The following IMMP2L variants were observed in gnomAD, a reference collection of about 807,000 sequenced individuals.
IMMP2L encodes the protein mitochondrial inner membrane protease subunit 2.
In IMMP2L, 18 loss-of-function variants were observed where a neutral mutation model predicts 19.3. The observed-to-expected ratio is 0.93, with a 90% CI of 0.64 to 1.38. IMMP2L has a LOEUF of 1.38. IMMP2L is among the 40% of genes most tolerant of loss of function. The pLI is 0.00. For synonymous variants in IMMP2L, 76 were observed against 73.0 expected (o/e 1.04, Z -0.21); for missense variants, 233 against 218.2 (o/e 1.07, Z -0.43).
intron 2 of IMMP2L, among the ~76,000 whole-genome samples, chr7:111,494,010 T>TAGAGAAAAAAA (rs1563265233): frequency 1.3e-5 from 2 of 150,782 alleles, no homozygotes; most frequent in Admixed American, 6.6e-5. Context: ...CTAAAAAAAA[T>TAGAGAAAAAAA]ATAGAGCAAG....
intron 3 of IMMP2L, among the ~76,000 whole-genome samples, chr7:111,059,595 A>ACAG (rs1211837166): frequency 6.6e-6 from 1 of 152,138 alleles, no homozygotes. Flanking sequence ...AGGGACTAAA[A>ACAG]TAGTGGCTAA....
intron 3 of IMMP2L, among the ~76,000 whole-genome samples, chr7:111,313,461 G>A (rs1229760038): frequency 6.6e-6 from 1 of 152,054 alleles, no homozygotes. Context: ...AGAATGTGAT[G>A]CATTTTATCT....
intron 3 of IMMP2L, among the ~76,000 whole-genome samples, chr7:111,485,719 A>ATGAATATTT (rs2132257091): frequency 6.6e-6 from 1 of 151,848 alleles, no homozygotes; most frequent in South Asian, 2.1e-4. Flanking sequence ...ATCAATCACT[A>ATGAATATTT]TGAATATTTA....
At chr7:111,217,151 C>CACACACAT (rs887814713) in intron 3 of IMMP2L, among the ~76,000 whole-genome samples, 7 of 151,646 alleles carry the variant, frequency 4.6e-5, no homozygotes, top group African/African-American at 1.7e-4. Context: ...CACACACACA[C>CACACACAT]ACACACACAA....
intron 5 of IMMP2L, among the ~76,000 whole-genome samples, chr7:110,795,497 A>G (rs553140862): frequency 1.3e-5 from 2 of 152,246 alleles, no homozygotes; most frequent in South Asian, 4.1e-4. Context: ...TCTTGAGGGC[A>G]AGATACTGTG....
intron 3 of IMMP2L, among the ~76,000 whole-genome samples, chr7:111,046,264 G>C (rs1792386979): frequency 6.6e-6 from 1 of 151,928 alleles, no homozygotes; most frequent in South Asian, 2.1e-4. Flanking sequence ...GAAAGAAGTA[G>C]AAATTTTCAA....
At chr7:110,753,569 A>G (rs1470510022) in intron 5 of IMMP2L, among the ~76,000 whole-genome samples, 1 of 152,056 alleles carries the variant, frequency 6.6e-6, no homozygotes, top group Non-Finnish European at 1.5e-5. Flanking sequence ...TCGATTTTCT[A>G]ACAACCACAT....
At chr7:110,862,636 T>G (rs1807566448) in intron 5 of IMMP2L, among the ~76,000 whole-genome samples, 1 of 151,898 alleles carries the variant, frequency 6.6e-6, no homozygotes. Flanking sequence ...TGAGCCACTG[T>G]GCTGAAAGTA....
intron 5 of IMMP2L, among the ~76,000 whole-genome samples, 165 bp from the exon 6 acceptor site, chr7:110,663,886 A>G (rs1309437205): frequency 6.6e-6 from 1 of 152,238 alleles, no homozygotes; most frequent in East Asian, 1.9e-4. Context: ...AATACAAAGA[A>G]AAATACAGTA....
chr7:111,386,889 AACCC>A (rs1831812811), intron 3 of IMMP2L, among the ~76,000 whole-genome samples: 1 of 152,180 alleles, frequency 6.6e-6, no homozygotes, highest in Non-Finnish European at 1.5e-5. Context: ...GGCATAAAAT[AACCC>A]CACAAAAAGA....
At chr7:111,404,864 A>G (rs1833783004) in intron 3 of IMMP2L, among the ~76,000 whole-genome samples, 1 of 152,072 alleles carries the variant, frequency 6.6e-6, no homozygotes, top group Admixed American at 6.6e-5. Context: ...AAATTTCAGA[A>G]TCACTTCTGG....
At chr7:111,252,252 C>T (rs1816225529) in intron 3 of IMMP2L, among the ~76,000 whole-genome samples, 2 of 152,022 alleles carry the variant, frequency 1.3e-5, no homozygotes, top group Non-Finnish European at 2.9e-5. Flanking sequence ...TAGGCATCAT[C>T]AACCAACAAG....
rs1354023217 is a variant in IMMP2L, at chr7:111,123,470, T to C, written c.240-159905A>G. The C allele has an allele frequency of 1.2e-6, 2 of 1,613,780 alleles. No homozygotes were observed. Among genetic ancestry groups the C allele is most frequent in the Admixed American group, 1.7e-5 (1 of 59,934 alleles). On this transcript the variant is annotated intron_variant, in intron 3 of 5. Transcript: ENST00000405709. The surrounding 1 kb of genome is among the most constrained non-coding windows in gnomAD (Gnocchi z 6.4). The stretch of plus-strand genomic sequence containing the variant: ...ACAGAAATACCAGATAACGCCTTGG[T>C]TGGACTGGAAAACTTAGAAAGCATC...
At chr7:111,319,919 C>A (rs1234845215) in intron 3 of IMMP2L, among the ~76,000 whole-genome samples, 1 of 151,934 alleles carries the variant, frequency 6.6e-6, no homozygotes, top group East Asian at 1.9e-4. Flanking sequence ...AAAATTATTT[C>A]TATTTTTCTC....
chr7:111,067,978 G>A (rs1449115065), intron 3 of IMMP2L, among the ~76,000 whole-genome samples: 2 of 152,260 alleles, frequency 1.3e-5, no homozygotes, highest in East Asian at 3.9e-4. Flanking sequence ...AAGACTTAAC[G>A]CTTAGTAATC....
intron 3 of IMMP2L, among the ~76,000 whole-genome samples, chr7:111,396,197 A>G (rs927264031): frequency 5.1e-4 from 77 of 152,214 alleles, no homozygotes; most frequent in Non-Finnish European, 5.1e-4. Context: ...GTTTATAAAG[A>G]CACATGGACA....
rs1395576407 is a variant in IMMP2L, at chr7:111,048,636, C to T, written c.240-85071G>A. Among the ~76,000 whole-genome samples, 4 of 152,146 alleles carry T rather than the reference C, an allele frequency of 2.6e-5. No homozygotes were observed. The East Asian group carries it at 7.7e-4, about 29-fold the overall frequency. On this transcript the variant is annotated intron_variant, in intron 3 of 5. Coordinates refer to ENST00000405709, the MANE Select transcript of IMMP2L (RefSeq NM_032549.4). ...AATATTTGTTGAATAAGTCAACAAG[C>T]AAAATAACATTTTAAAATATATACT...
chr7:111,070,517 T>C (rs1794862297), intron 3 of IMMP2L, among the ~76,000 whole-genome samples: 1 of 152,182 alleles, frequency 6.6e-6, no homozygotes, highest in African/African-American at 2.4e-5. Context: ...TTGGATATTT[T>C]TGACTAAGAA....
rs528233095 is a variant in IMMP2L, at chr7:111,055,709, T to C, written c.240-92144A>G. Among the ~76,000 whole-genome samples, 9 of 152,260 alleles carry C rather than the reference T, an allele frequency of 5.9e-5. No individual in the cohort carries two copies. In the East Asian group the frequency reaches 1.5e-3, roughly 26 times the overall value. On this transcript the variant is annotated intron_variant, in intron 3 of 5. Coordinates refer to ENST00000405709, the MANE Select transcript of IMMP2L (RefSeq NM_032549.4). ...ATAATGACAACTGACTGAAAAATAA[T>C]CCATTAGGCTCCAAAGGACATAATG...
Sources: allele counts gnomAD v4.1 joint callset (sites outside exome capture counted in the v4.1 genomes callset), GRCh38; gene constraint gnomAD v4.1.1; non-coding constraint Gnocchi (gnomAD v3.1); transcripts MANE v1.5; gene names NCBI Gene and HGNC (gene_info 2026-07-23, HGNC 2026-07-21).